The following FGGY variants were observed in gnomAD, a reference collection of about 807,000 sequenced individuals.
The protein encoded by FGGY is FGGY carbohydrate kinase domain-containing protein.
Under a neutral mutation model 71.3 loss-of-function variants are expected in FGGY, and 72 were observed. The ratio of observed to expected loss-of-function variants is 1.01; its 90% CI spans 0.84 to 1.23. FGGY has a LOEUF of 1.23. Ranked by LOEUF, FGGY falls within the 50% of genes most tolerant of loss-of-function variation. FGGY has a pLI of 0.00. For missense variants in FGGY, 668 were observed against 682.3 expected (o/e 0.98, Z 0.23); for synonymous variants, 251 against 250.3 (o/e 1.00, Z -0.02).
At chr1:59,310,445 C>T (rs116253239) in intron 1 of FGGY, among the ~76,000 whole-genome samples, 2 of 152,280 alleles carry the variant, frequency 1.3e-5, no homozygotes, top group African/African-American at 2.4e-5. Context: ...AAGAACAAAT[C>T]ATTAAATTTG....
intron 5 of FGGY, among the ~76,000 whole-genome samples, chr1:59,437,163 T>C (rs1202787163): frequency 6.6e-6 from 1 of 152,236 alleles, no homozygotes; most frequent in East Asian, 1.9e-4. Flanking sequence ...GGGTGGCAGA[T>C]TTTTATTGTT....
chr1:59,350,350 G>C (rs1362973877), intron 4 of FGGY, among the ~76,000 whole-genome samples: 1 of 152,124 alleles, frequency 6.6e-6, no homozygotes, highest in Non-Finnish European at 1.5e-5. Flanking sequence ...TGAAAACAGA[G>C]CCATCAAATG....
chr1:59,580,369 G>C (rs1396812407), intron 8 of FGGY, among the ~76,000 whole-genome samples: 1 of 152,080 alleles, frequency 6.6e-6, no homozygotes, highest in Non-Finnish European at 1.5e-5. Flanking sequence ...TTTCTGGCAA[G>C]AGTTGCTTCC....
chr1:59,368,915 C>T (rs1366728051), intron 4 of FGGY, among the ~76,000 whole-genome samples: 9 of 152,036 alleles, frequency 5.9e-5, no homozygotes, highest in Non-Finnish European at 7.4e-5. Context: ...CATAGTGAAG[C>T]CCTGTCTCGG....
rs370165720 is a variant in FGGY, at chr1:59,661,693, G to GTTTTGTTTTTGTTTTTGTTTTTGT, written c.1296+1422_1296+1445dup. Among the ~76,000 whole-genome samples the GTTTTGTTTTTGTTTTTGTTTTTGT allele has an allele frequency of 1.3e-4, 19 of 148,110 alleles. No homozygotes were observed. In the East Asian group the frequency reaches 4.0e-3, roughly 31 times the overall value. Reference sequence around the variant, plus strand: ...ATAATAATGAGTGAATTAAGAGGGTGTTTTGTTTTTGTTTTTGTTTTTGTT... The same window carrying GTTTTGTTTTTGTTTTTGTTTTTGT: ...ATAATAATGAGTGAATTAAGAGGGTGTTTTGTTTTTGTTTTTGTTTTTGTTTTTGTTTTTGTTTTTGTTTTTGTT... On this transcript the variant is annotated intron_variant, in intron 12 of 15. Transcript: ENST00000303721.
intron 6 of FGGY, among the ~76,000 whole-genome samples, chr1:59,489,769 T>A (rs2093768379): frequency 6.6e-6 from 1 of 152,188 alleles, no homozygotes; most frequent in Non-Finnish European, 1.5e-5. Flanking sequence ...TAGTTCTGTT[T>A]GTAGTTTTTT....
chr1:59,584,951 C>A (rs1191130666), intron 8 of FGGY, among the ~76,000 whole-genome samples: 6 of 136,980 alleles, frequency 4.4e-5, no homozygotes, highest in Non-Finnish European at 1.5e-5. Context: ...AGCTAGGAAT[C>A]CAACTTACAA....
Position 59,635,280 on chromosome 1 carries a change from A to C in FGGY, c.1074-2948A>C, listed in dbSNP as rs140736462. Among the ~76,000 whole-genome samples the C allele has an allele frequency of 5.1e-3, 771 of 152,346 alleles. 9 individuals carry two copies. The highest frequency in any genetic ancestry group is 5.4e-3 in the Non-Finnish European group (364 of 68,024). ...AACATGTAGGAGAATGGCTGCATTC[A>C]AAGAATAAACATACAGCTGCAAGGA... On this transcript the variant is annotated intron_variant, in intron 10 of 15. Coordinates refer to ENST00000303721, the MANE Select transcript of FGGY (RefSeq NM_018291.5).
At chr1:59,367,883 G>T (rs2153235942) in intron 4 of FGGY, among the ~76,000 whole-genome samples, 1 of 152,258 alleles carries the variant, frequency 6.6e-6, no homozygotes, top group African/African-American at 2.4e-5. Flanking sequence ...AAATGCTGTG[G>T]TTTGATGAAG....
intron 7 of FGGY, among the ~76,000 whole-genome samples, chr1:59,518,726 C>G (rs1037328227): frequency 1.3e-5 from 2 of 152,200 alleles, no homozygotes; most frequent in African/African-American, 2.4e-5. Flanking sequence ...TTCCCCATCA[C>G]CTTTTGCCAT....
rs1370200863 is a variant in FGGY at position 59,587,701 on chromosome 1, C to G, written c.904-20102C>G. On this transcript the variant is annotated intron_variant, in intron 8 of 15. Transcript: ENST00000303721. ...CAGGCAAACAGGGTCTGGAGTGGAC[C>G]TCTAGCAAACTCCAACAGACCTGCA... is the stretch of plus-strand genomic sequence containing the variant. 9.2e-5 allele frequency among the ~76,000 whole-genome samples: 14 copies of G among 152,268 alleles called. No homozygotes were observed. In the East Asian group the frequency reaches 1.4e-3, roughly 15 times the overall value.
intron 6 of FGGY, among the ~76,000 whole-genome samples, chr1:59,463,175 T>C (rs1183392627): frequency 6.6e-6 from 1 of 152,198 alleles, no homozygotes; most frequent in Admixed American, 6.5e-5. Flanking sequence ...TGAGTTCATG[T>C]CCTTTGTAGG....
intron 8 of FGGY, among the ~76,000 whole-genome samples, chr1:59,599,769 G>A (rs1490753649): frequency 6.6e-6 from 1 of 150,392 alleles, no homozygotes; most frequent in Non-Finnish European, 1.5e-5. Context: ...AGTGAGACAA[G>A]AATTTATGAA....
chr1:59,715,551 A>C (rs774804792), intron 14 of FGGY, among the ~76,000 whole-genome samples: 3 of 152,206 alleles, frequency 2.0e-5, no homozygotes, highest in Non-Finnish European at 4.4e-5. Context: ...GGCTGAGAAA[A>C]CTACTGGTTT....
At chr1:59,674,175 C>G in intron 14 of FGGY, 42 bp downstream of exon 14, 1 of 1,466,210 alleles carries the variant, frequency 6.8e-7, no homozygotes, top group Non-Finnish European at 9.5e-7. Flanking sequence ...CCTCCCCTGT[C>G]TGAGGCCATC....
intron 8 of FGGY, among the ~76,000 whole-genome samples, chr1:59,571,902 TC>T (rs1409626849): frequency 6.6e-6 from 1 of 152,096 alleles, no homozygotes; most frequent in Non-Finnish European, 1.5e-5. Flanking sequence ...AAAGACAATG[TC>T]TTTTAAAAAA....
At chr1:59,476,877 G>A (rs769102839) in intron 6 of FGGY, among the ~76,000 whole-genome samples, 5 of 152,232 alleles carry the variant, frequency 3.3e-5, no homozygotes, top group Non-Finnish European at 7.3e-5. Flanking sequence ...GAAGAGGGCT[G>A]AAGATGTGAC....
At chr1:59,369,184 C>A (rs1000735800) in intron 4 of FGGY, among the ~76,000 whole-genome samples, 3 of 152,146 alleles carry the variant, frequency 2.0e-5, no homozygotes, top group Non-Finnish European at 2.9e-5. Flanking sequence ...ACAGACGGCA[C>A]CTGGAAAATC....
At chr1:59,375,878 A>AGT (rs2058580608) in intron 4 of FGGY, among the ~76,000 whole-genome samples, 1 of 116,792 alleles carries the variant, frequency 8.6e-6, no homozygotes, top group African/African-American at 3.1e-5. Flanking sequence ...GATCTAAAGT[A>AGT]GTTTTTTTTT....
Sources: allele counts gnomAD v4.1 joint callset (sites outside exome capture counted in the v4.1 genomes callset), GRCh38; gene constraint gnomAD v4.1.1; transcripts MANE v1.5; gene names NCBI Gene and HGNC (gene_info 2026-07-23, HGNC 2026-07-21).